The following PACSIN2 variants were observed in gnomAD, a reference collection of about 807,000 sequenced individuals.
The protein encoded by PACSIN2 is protein kinase C and casein kinase substrate in neurons 2.
A neutral mutation model predicts 63.8 loss-of-function variants in PACSIN2; 25 were observed. The observed-to-expected ratio is 0.39, with a 90% CI of 0.29 to 0.55. PACSIN2 has a LOEUF of 0.55. Ranked by LOEUF, PACSIN2 falls within the 20% of genes least tolerant of loss-of-function variation. The pLI is 0.62. For synonymous variants in PACSIN2, 255 were observed against 256.2 expected (o/e 1.00, Z 0.05); for missense variants, 518 against 646.9 (o/e 0.80, Z 2.16).
At chr22:42,881,410 A>C (rs1471917446) in intron 7 of PACSIN2, among the ~76,000 whole-genome samples, 1 of 152,218 alleles carries the variant, frequency 6.6e-6, no homozygotes, top group Non-Finnish European at 1.5e-5. Context: ...AGGTGAGCAG[A>C]ATCTGAATGC....
intron 2 of PACSIN2, among the ~76,000 whole-genome samples, chr22:42,900,444 G>C (rs901026821): frequency 2.0e-5 from 3 of 151,998 alleles, no homozygotes; most frequent in Non-Finnish European, 4.4e-5. Flanking sequence ...TGCTAGCCAG[G>C]GGATACTATT....
intron 1 of PACSIN2, among the ~76,000 whole-genome samples, chr22:42,950,867 G>A (rs943525533): frequency 1.3e-5 from 2 of 152,172 alleles, no homozygotes; most frequent in Non-Finnish European, 2.9e-5. Context: ...CAAGGCCCCT[G>A]TATATATTCC....
chr22:42,917,923 T>A (rs1326583753), intron 1 of PACSIN2, among the ~76,000 whole-genome samples: 1 of 152,154 alleles, frequency 6.6e-6, no homozygotes, highest in East Asian at 1.9e-4. Context: ...ACTGCCTGGC[T>A]ATGCTCTATC....
intron 1 of PACSIN2, among the ~76,000 whole-genome samples, chr22:42,969,466 T>C (rs775790298): frequency 2.0e-5 from 3 of 152,230 alleles, no homozygotes; most frequent in East Asian, 3.8e-4. Flanking sequence ...GATGCAAGTT[T>C]TTCTTCTTAT....
rs1472257415 is a variant in PACSIN2, at chr22:42,971,603, T to C, written c.-78+43418A>G. Among the ~76,000 whole-genome samples the C allele has an allele frequency of 2.9e-5, 4 of 140,000 alleles. 1 individual carries two copies. In the East Asian group the frequency reaches 6.6e-4, roughly 23 times the overall value. The allele number at this position is 140,000 out of a possible 152,430, so 91.8% of individuals were successfully genotyped here. A position where few individuals can be genotyped will look rare whatever the true frequency, so the allele number is the denominator to read the frequency against. On this transcript the variant is annotated intron_variant, in intron 1 of 10. Transcript: ENST00000263246. ...GCCACCCAGTCTGGGAAGTGAGGAGTGTCTCTGCCCAACCGCCACCATGTC... is the reference window on the plus strand; with the variant it reads ...GCCACCCAGTCTGGGAAGTGAGGAGCGTCTCTGCCCAACCGCCACCATGTC...
At chr22:42,884,655 A>G in intron 5 of PACSIN2, 94 bp from the exon 6 acceptor site, 1 of 898,158 alleles carries the variant, frequency 1.1e-6, no homozygotes, top group Non-Finnish European at 1.7e-6. Flanking sequence ...CCCAGATTCC[A>G]AATGCAAAGA....
chr22:42,898,460 G>A (rs565390444), intron 2 of PACSIN2, among the ~76,000 whole-genome samples: 1 of 152,020 alleles, frequency 6.6e-6, no homozygotes, highest in East Asian at 1.9e-4. Flanking sequence ...TAGTAGAGAC[G>A]GGTTTTCTGC....
chr22:42,909,331 G>A (rs1931294638), intron 2 of PACSIN2: 1 of 346,522 alleles, frequency 2.9e-6, no homozygotes, highest in Non-Finnish European at 5.7e-6. Flanking sequence ...TGGTGGGAAG[G>A]AGTAAAATTA....
At chr22:42,968,068 G>C (rs1920992003) in intron 1 of PACSIN2, among the ~76,000 whole-genome samples, 1 of 152,204 alleles carries the variant, frequency 6.6e-6, no homozygotes. Context: ...GAAAACTACA[G>C]GTTTGGGGAA....
At chr22:42,911,637 CCTT>C (rs1256152006) in intron 2 of PACSIN2, among the ~76,000 whole-genome samples, 1 of 152,180 alleles carries the variant, frequency 6.6e-6, no homozygotes, top group Non-Finnish European at 1.5e-5. Context: ...TCACAGCCCT[CCTT>C]GTTTCTACAT....
At chr22:42,997,935 G>C (rs146423938) in intron 1 of PACSIN2, among the ~76,000 whole-genome samples, 1 of 152,136 alleles carries the variant, frequency 6.6e-6, no homozygotes, top group Non-Finnish European at 1.5e-5. Flanking sequence ...TTCCACCCAC[G>C]TGTCTCAGAA....
At chr22:42,962,124 T>C (rs745879138) in intron 1 of PACSIN2, among the ~76,000 whole-genome samples, 12 of 151,538 alleles carry the variant, frequency 7.9e-5, no homozygotes, top group Non-Finnish European at 1.5e-4. Context: ...ACCCCGTCTG[T>C]ACTAAAAAAT....
At position 43,011,677 on chromosome 22, in the gene PACSIN2, G is replaced by C. The variant is rs141299384; in HGVS notation, c.-78+3344C>G. Among the ~76,000 whole-genome samples, 9 of 152,302 alleles carry C rather than the reference G, an allele frequency of 5.9e-5. No individual in the cohort carries two copies. In the East Asian group the frequency reaches 1.7e-3, roughly 29 times the overall value. On this transcript the variant is annotated intron_variant, in intron 1 of 10. Transcript: ENST00000263246. ...AGATCACTGGAGGTCAGGAGTTCCA[G>C]ATCAGCCTGGCCAACACTGTGAAAC...
chr22:42,965,354 T>C (rs998395884), intron 1 of PACSIN2, among the ~76,000 whole-genome samples: 1 of 152,212 alleles, frequency 6.6e-6, no homozygotes, highest in African/African-American at 2.4e-5. Flanking sequence ...GTCATACAGG[T>C]GTTTCCACTT....
chr22:42,930,634 C>G (rs377069717), intron 1 of PACSIN2, among the ~76,000 whole-genome samples: 1 of 152,168 alleles, frequency 6.6e-6, no homozygotes, highest in African/African-American at 2.4e-5. Context: ...ACAAAAGGCA[C>G]GCTCATAAAA....
intron 1 of PACSIN2, among the ~76,000 whole-genome samples, chr22:42,995,787 G>A (rs1923354826): frequency 6.6e-6 from 1 of 152,154 alleles, no homozygotes; most frequent in Non-Finnish European, 1.5e-5. Flanking sequence ...ACAGTGGCCA[G>A]GCACAGTGAC....
chr22:42,873,569 G>A (rs1928343677), intron 10 of PACSIN2, among the ~76,000 whole-genome samples: 1 of 152,306 alleles, frequency 6.6e-6, no homozygotes, highest in East Asian at 1.9e-4. Flanking sequence ...CAGGGGTTGG[G>A]GTGGTGGTGG....
chr22:42,946,377 C>T (rs1933421069), intron 1 of PACSIN2, among the ~76,000 whole-genome samples: 1 of 152,138 alleles, frequency 6.6e-6, no homozygotes, highest in Admixed American at 6.5e-5. Flanking sequence ...CCACTGCATC[C>T]AGGAAGGAGG....
intron 1 of PACSIN2, among the ~76,000 whole-genome samples, chr22:42,971,756 G>A (rs929336240): frequency 1.3e-5 from 2 of 151,240 alleles, no homozygotes; most frequent in Non-Finnish European, 2.9e-5. Context: ...TCCGGGAGGT[G>A]GGGGGTAGCC....
Sources: allele counts gnomAD v4.1 joint callset (sites outside exome capture counted in the v4.1 genomes callset), GRCh38; gene constraint gnomAD v4.1.1; transcripts MANE v1.5; gene names NCBI Gene and HGNC (gene_info 2026-07-23, HGNC 2026-07-21).